Variants in GMCL1 observed in about 807,000 individuals in gnomAD.
GMCL1 encodes the protein germ cell-less 1, spermatogenesis associated, also known as germ cell-less protein-like 1.
A neutral mutation model predicts 75.5 loss-of-function variants in GMCL1; 54 were observed. That is an observed-to-expected ratio of 0.71 (90% CI 0.57 to 0.90). GMCL1 has a LOEUF of 0.90. Among genes scored for constraint, GMCL1 ranks in the 40% least tolerant of loss-of-function variants. GMCL1 has a pLI of 0.00. For missense variants in GMCL1, 537 were observed against 622.7 expected (o/e 0.86, Z 1.47); for synonymous variants, 210 against 209.6 (o/e 1.00, Z -0.02).
chr2:69,846,304 C>T (rs922078026), intron 6 of GMCL1, among the ~76,000 whole-genome samples: 3 of 151,764 alleles, frequency 2.0e-5, no homozygotes, highest in East Asian at 1.9e-4. Flanking sequence ...TACCAACTGC[C>T]GATTGAAAAG....
chr2:69,832,654 A>G (rs1184089891), intron 1 of GMCL1, among the ~76,000 whole-genome samples: 1 of 152,204 alleles, frequency 6.6e-6, no homozygotes, highest in African/African-American at 2.4e-5. Context: ...TAAAACAGAT[A>G]TCAAGTAAAC....
intron 1 of GMCL1, among the ~76,000 whole-genome samples, chr2:69,837,030 A>G (rs1016608072): frequency 2.6e-5 from 4 of 152,210 alleles, no homozygotes; most frequent in Admixed American, 2.6e-4. Context: ...TGGCTGGAAA[A>G]CATTTTAAGT....
chr2:69,871,784 A>G lies in GMCL1; in HGVS notation c.1404A>G (p.Ile468Met). ...LASFDSSGKL[I>M]CSRTTGYQIL... ...CTTTTGATAGTAGTGGAAAACTAAT[A>G]TGTAGTAGAACAACTGGCTATCAAA... Residue 468 changes from isoleucine (I) to methionine (M), a missense_variant, in exon 13 of 14, where the codon ATA becomes ATG. By Grantham distance (10) the Ile-to-Met change is conservative (BLOSUM62 1). This residue lies in a region of GMCL1 where 345 missense variants were observed against 410.5 expected (regional missense o/e 0.84). Transcript: ENST00000282570. 1 of 1,592,942 alleles carries G rather than the reference A, an allele frequency of 6.3e-7. No individual in the cohort carries two copies.
At chr2:69,846,473 A>G (rs142009591) in intron 6 of GMCL1, among the ~76,000 whole-genome samples, 159 of 152,314 alleles carry the variant, frequency 1.0e-3, no homozygotes, top group African/African-American at 3.5e-3. Flanking sequence ...ATACTATGCC[A>G]TTTTATATAA....
chr2:69,872,570 C>T (rs1676013003), intron 13 of GMCL1, among the ~76,000 whole-genome samples: 1 of 152,178 alleles, frequency 6.6e-6, no homozygotes, highest in Non-Finnish European at 1.5e-5. Flanking sequence ...CTTAGCATTG[C>T]AAGTAACCCC....
intron 8 of GMCL1, among the ~76,000 whole-genome samples, chr2:69,851,534 C>G (rs934735974): frequency 1.3e-5 from 2 of 152,002 alleles, no homozygotes; most frequent in African/African-American, 2.4e-5. Context: ...CGCTGGAAAC[C>G]AGAAGGCGGA....
chr2:69,866,538 C>T (rs910700944), intron 11 of GMCL1, among the ~76,000 whole-genome samples: 1 of 151,416 alleles, frequency 6.6e-6, no homozygotes, highest in Non-Finnish European at 1.5e-5. Flanking sequence ...GCACAATCAT[C>T]GCTCACTGCA....
intron 4 of GMCL1, among the ~76,000 whole-genome samples, chr2:69,842,126 A>T (rs927180254): frequency 6.6e-6 from 1 of 152,226 alleles, no homozygotes; most frequent in Non-Finnish European, 1.5e-5. Context: ...AACTTGTTGC[A>T]TTCGTCCAAG....
At chr2:69,838,888 A>T (rs1674899634) in intron 2 of GMCL1, among the ~76,000 whole-genome samples, 1 of 152,234 alleles carries the variant, frequency 6.6e-6, no homozygotes, top group Non-Finnish European at 1.5e-5. Context: ...TGCCTTCTAC[A>T]TACTAAGTAC....
At chr2:69,863,171 A>G (rs1243931440) in intron 10 of GMCL1, among the ~76,000 whole-genome samples, 11 of 152,202 alleles carry the variant, frequency 7.2e-5, no homozygotes, top group African/African-American at 2.2e-4. Flanking sequence ...CAAAACCCAC[A>G]TATACGAAAA....
chr2:69,839,185 A>C (rs1573343478), intron 2 of GMCL1, among the ~76,000 whole-genome samples: 1 of 152,256 alleles, frequency 6.6e-6, no homozygotes, highest in Non-Finnish European at 1.5e-5. Context: ...TTCAAATAAT[A>C]TACATGAATT....
chr2:69,880,896 GACT>G lies in GMCL1; in HGVS notation c.*1895_*1897del, dbSNP rs1236929582. 1.8e-4 allele frequency: 26 copies of G among 147,324 alleles called. No homozygotes were observed. Among genetic ancestry groups the G allele is most frequent in the African/African-American group, 6.0e-4 (24 of 40,186 alleles). The allele number at this position is 147,324 out of a possible 1,614,324, so 9.1% of individuals were successfully genotyped here. A position where few individuals can be genotyped will look rare whatever the true frequency, so the allele number is the denominator to read the frequency against. On this transcript the variant is annotated 3_prime_UTR_variant, in exon 14 of 14. Transcript: ENST00000282570. ...GGCTACTGTACTTATTTTTATATTT[GACT>G]ACATTAGGTCTTTTTCACGGGAAGC... is the stretch of plus-strand genomic sequence containing the variant.
intron 9 of GMCL1, among the ~76,000 whole-genome samples, chr2:69,858,686 C>CCTA (rs1447958945): frequency 6.6e-6 from 1 of 151,994 alleles, no homozygotes; most frequent in African/African-American, 2.4e-5. Flanking sequence ...AGACATGGGA[C>CCTA]CTAGAATCCT....
At chr2:69,863,318 C>T (rs901187089) in intron 10 of GMCL1, among the ~76,000 whole-genome samples, 1 of 152,148 alleles carries the variant, frequency 6.6e-6, no homozygotes, top group East Asian at 1.9e-4. Flanking sequence ...TATGATATAT[C>T]CCCTCTTAGG....
At chr2:69,831,635 T>G (rs918420526) in intron 1 of GMCL1, among the ~76,000 whole-genome samples, 1 of 151,924 alleles carries the variant, frequency 6.6e-6, no homozygotes, top group Non-Finnish European at 1.5e-5. Context: ...TGAGACAGGG[T>G]CTCGCTGTGT....
At chr2:69,848,323 T>C (rs1675214238) in intron 7 of GMCL1, among the ~76,000 whole-genome samples, 2 of 133,096 alleles carry the variant, frequency 1.5e-5, no homozygotes, top group Non-Finnish European at 3.0e-5. Flanking sequence ...ATAGGGACTC[T>C]TTGTTTGTTT....
intron 1 of GMCL1, among the ~76,000 whole-genome samples, chr2:69,831,179 A>G (rs1456297663): frequency 6.6e-6 from 1 of 152,196 alleles, no homozygotes; most frequent in African/African-American, 2.4e-5. Flanking sequence ...TCAGCCTCCC[A>G]AAGTGCTGGA....
chr2:69,840,254 CA>C, intron 3 of GMCL1: 1 of 152,140 alleles, frequency 6.6e-6, no homozygotes, highest in Non-Finnish European at 1.5e-5. Context: ...TAAAAAAATA[CA>C]AAAAATTAGC....
In GMCL1 at chr2:69,879,020, A is replaced by G. The variant is rs1170273466; in HGVS notation, c.*16A>G. 6 of 1,480,480 alleles carry G rather than the reference A, an allele frequency of 4.1e-6. No homozygotes were observed. The highest frequency in any genetic ancestry group is 5.6e-6 in the Non-Finnish European group (6 of 1,064,912). 91.7% of individuals were successfully genotyped at this position (1,480,480 alleles called of 1,614,324 possible). ...AAAGAATTGAAAATAATCGTCACCCAGAAAATCCAGAAAACTGAAGATTTC... is the reference window on the plus strand; with the variant it reads ...AAAGAATTGAAAATAATCGTCACCCGGAAAATCCAGAAAACTGAAGATTTC... On this transcript the variant is annotated 3_prime_UTR_variant, in exon 14 of 14. Coordinates refer to ENST00000282570, the MANE Select transcript of GMCL1 (RefSeq NM_178439.5).
Sources: allele counts gnomAD v4.1 joint callset (sites outside exome capture counted in the v4.1 genomes callset), GRCh38; gene constraint gnomAD v4.1.1; regional missense constraint gnomAD v4.1.1; transcripts MANE v1.5; gene names NCBI Gene and HGNC (gene_info 2026-07-23, HGNC 2026-07-21).